Variants in PDZD2 observed in about 807,000 individuals in gnomAD.
The protein encoded by PDZD2 is PDZ domain-containing protein 2.
PDZD2 carries 90 observed loss-of-function variants against 220.7 expected under a neutral mutation model. That is an observed-to-expected ratio of 0.41 (90% CI 0.34 to 0.49). PDZD2 has a LOEUF of 0.49. Ranked by LOEUF, PDZD2 falls within the 20% of genes least tolerant of loss-of-function variation. PDZD2 has a pLI of 0.28. For missense variants in PDZD2, 3,174 were observed against 3,608.5 expected (o/e 0.88, Z 3.08); for synonymous variants, 1,375 against 1,450.5 (o/e 0.95, Z 1.18).
chr5:32,049,861 C>G (rs2112293606), intron 8 of PDZD2, among the ~76,000 whole-genome samples: 1 of 152,298 alleles, frequency 6.6e-6, no homozygotes, highest in Non-Finnish European at 1.5e-5. Flanking sequence ...AGGACTGCGA[C>G]CTGCTCAGAA....
intron 2 of PDZD2, chr5:31,847,678 C>T (rs1042919519): frequency 3.0e-5 from 18 of 608,530 alleles, no homozygotes; most frequent in African/African-American, 2.7e-4. Context: ...TGATGGCCAG[C>T]CCGGTGCCTT....
chr5:31,878,709 C>G (rs1453756836), intron 2 of PDZD2, among the ~76,000 whole-genome samples: 1 of 151,592 alleles, frequency 6.6e-6, no homozygotes, highest in Non-Finnish European at 1.5e-5. Context: ...TACAGGCGCC[C>G]GCCACCTCGC....
intron 2 of PDZD2, among the ~76,000 whole-genome samples, chr5:31,912,864 G>C (rs568936963): frequency 6.6e-6 from 1 of 152,302 alleles, no homozygotes; most frequent in East Asian, 1.9e-4. Context: ...GTTTCTCTCT[G>C]AAGTTCGGGC....
intron 2 of PDZD2, among the ~76,000 whole-genome samples, chr5:31,892,985 G>T (rs756663255): frequency 5.9e-5 from 9 of 152,222 alleles, no homozygotes; most frequent in Non-Finnish European, 1.3e-4. Flanking sequence ...CGTGGGAGGA[G>T]CAATGGAGAG....
chr5:31,691,278 T>G (rs61173987), intron 1 of PDZD2, among the ~76,000 whole-genome samples: 20,644 of 151,198 alleles, frequency 0.14, 1,567 homozygotes, highest in East Asian at 0.24. Flanking sequence ...GGGCTCGTGG[T>G]CTCGCTGGCT....
At chr5:31,649,852 C>T (rs1745279735) in intron 1 of PDZD2, among the ~76,000 whole-genome samples, 1 of 146,546 alleles carries the variant, frequency 6.8e-6, no homozygotes, top group African/African-American at 2.5e-5. Flanking sequence ...GCAGGAGAAC[C>T]GCTTGAACCC....
At position 31,840,580 on chromosome 5, in the gene PDZD2, G is replaced by A; in HGVS notation, c.476+40856G>A. On this transcript the variant is annotated intron_variant, in intron 2 of 24. Coordinates refer to ENST00000438447, the MANE Select transcript of PDZD2 (RefSeq NM_178140.4). The stretch of plus-strand genomic sequence containing the variant: ...AAAATGTGCTTCTCTGCGTGGAGCA[G>A]GCTGGCACTTCAGTTGAACCCAGGT... 22 of 715,592 alleles carry A rather than the reference G, an allele frequency of 3.1e-5. No homozygotes were observed. In the South Asian group the frequency reaches 3.3e-4, roughly 11 times the overall value. The allele number at this position is 715,592 out of a possible 1,614,324, so 44.3% of individuals were successfully genotyped here.
chr5:32,015,003 G>C (rs184572025), intron 6 of PDZD2, among the ~76,000 whole-genome samples: 1 of 145,470 alleles, frequency 6.9e-6, no homozygotes, highest in Non-Finnish European at 1.5e-5. Flanking sequence ...GTGTAGTGGC[G>C]CAATCTCGGT....
At chr5:31,971,612 T>G (rs1165097449) in intron 2 of PDZD2, among the ~76,000 whole-genome samples, 2 of 152,248 alleles carry the variant, frequency 1.3e-5, no homozygotes, top group Non-Finnish European at 2.9e-5. Flanking sequence ...TCTTACCATT[T>G]TCACTGCTAT....
At chr5:31,689,139 A>G (rs957177555) in intron 1 of PDZD2, among the ~76,000 whole-genome samples, 2 of 150,376 alleles carry the variant, frequency 1.3e-5, no homozygotes, top group African/African-American at 4.9e-5. Flanking sequence ...AGTGATCTTG[A>G]CTCGCTACAA....
At chr5:32,095,911 T>C (rs1446353074) in intron 21 of PDZD2, among the ~76,000 whole-genome samples, 3 of 149,724 alleles carry the variant, frequency 2.0e-5, no homozygotes, top group Non-Finnish European at 4.5e-5. Flanking sequence ...CGGCTTTTTT[T>C]TTTTTTTTTT....
chr5:31,972,157 A>G (rs1749357581), intron 2 of PDZD2, among the ~76,000 whole-genome samples: 1 of 152,188 alleles, frequency 6.6e-6, no homozygotes, highest in Non-Finnish European at 1.5e-5. Context: ...CCCATTGCCC[A>G]GGCTGGAGTG....
chr5:31,803,975 C>G (rs988062306), intron 2 of PDZD2, among the ~76,000 whole-genome samples: 1 of 150,576 alleles, frequency 6.6e-6, no homozygotes, highest in Non-Finnish European at 1.5e-5. Flanking sequence ...GGAGGTCGAT[C>G]GAGGCTGCAG....
chr5:32,002,849 C>A (rs554110086), intron 5 of PDZD2, among the ~76,000 whole-genome samples: 1 of 120,888 alleles, frequency 8.3e-6, no homozygotes, highest in Non-Finnish European at 1.7e-5. Context: ...ACACCACACA[C>A]CAACACACAC....
At chr5:31,715,077 A>C (rs1748364573) in intron 1 of PDZD2, among the ~76,000 whole-genome samples, 1 of 150,670 alleles carries the variant, frequency 6.6e-6, no homozygotes, top group Non-Finnish European at 1.5e-5. Flanking sequence ...AAAAAAAGAA[A>C]GAAAGAAAAT....
intron 3 of PDZD2, among the ~76,000 whole-genome samples, chr5:31,992,005 C>A (rs1291998374): frequency 6.6e-6 from 1 of 152,122 alleles, no homozygotes; most frequent in Non-Finnish European, 1.5e-5. Flanking sequence ...TGCACTTCAG[C>A]CTAGGTGACA....
At chr5:31,953,512 A>G (rs750242951) in intron 2 of PDZD2, among the ~76,000 whole-genome samples, 4 of 152,174 alleles carry the variant, frequency 2.6e-5, no homozygotes, top group African/African-American at 4.8e-5. Flanking sequence ...GTGCTAATAC[A>G]TCACAAAAAA....
At chr5:32,042,235 C>T (rs2112257525) in intron 7 of PDZD2, among the ~76,000 whole-genome samples, 1 of 140,210 alleles carries the variant, frequency 7.1e-6, no homozygotes, top group Non-Finnish European at 1.5e-5. Flanking sequence ...GCACTCCAGC[C>T]TGGGCGACAG....
intron 2 of PDZD2, chr5:31,823,152 GGC>G: frequency 1.0e-5 from 1 of 98,040 alleles, no homozygotes; most frequent in South Asian, 2.0e-4. Context: ...CAGTAGACGT[GGC>G]AAAAAAAAAA....
Sources: allele counts gnomAD v4.1 joint callset (sites outside exome capture counted in the v4.1 genomes callset), GRCh38; gene constraint gnomAD v4.1.1; transcripts MANE v1.5; gene names NCBI Gene and HGNC (gene_info 2026-07-23, HGNC 2026-07-21).